ZAN: variants seen among roughly 807,000 people sequenced by gnomAD.
ZAN encodes zonadhesin (gene/pseudogene).
In ZAN, 260 loss-of-function variants were observed where a neutral mutation model predicts 286.2. The observed-to-expected ratio is 0.91, with a 90% CI of 0.82 to 1.01. The LOEUF (loss-of-function observed/expected upper bound fraction) is 1.01. Among genes scored for constraint, ZAN ranks in the 50% least tolerant of loss-of-function variants. The pLI, the probability that ZAN is intolerant of heterozygous loss-of-function variation, is 0.00. For synonymous variants in ZAN, 1,368 were observed against 1,417.5 expected, an observed-to-expected ratio of 0.97 and a Z score of 0.79; for missense variants, 3,410 against 3,639.2, an observed-to-expected ratio of 0.94 and a Z score of 1.62.
At position 100,752,309 on chromosome 7, in the gene ZAN, C is replaced by T; in HGVS notation, c.2204C>T (p.Pro735Leu). Residue 735 changes from proline (P) to leucine (L), a missense_variant, in exon 14 of 48, where the codon CCA becomes CTA. This residue lies in a region of ZAN where 39 missense variants were observed against 76.9 expected (regional missense o/e 0.51). Coordinates refer to ENST00000613979, the MANE Select transcript of ZAN (RefSeq NM_003386.3). ...TIPTEKSTIS[P>L]EKPTTPTEKP... ...CCCACAGAAAAATCCACCATCTCCC[C>T]AGAAAAACCCACCACCCCCACAGAA... is the stretch of plus-strand genomic sequence containing the variant. 1 of 1,534,244 alleles carries T rather than the reference C, an allele frequency of 6.5e-7. No individual in the cohort carries two copies. Among genetic ancestry groups the T allele is most frequent in the South Asian group, 1.2e-5 (1 of 83,016 alleles).
rs1441499101 is a variant in ZAN at position 100,760,401 on chromosome 7, A to G, written c.3707A>G (p.Gln1236Arg). The change falls in exon 19 of 48, where the codon CAG becomes CGG. Residue 1236 changes from glutamine (Q) to arginine (R), a missense_variant. Transcript: ENST00000613979. ...TGCCCTGCCTTCCAGGTTGGGGGTC[A>G]GCAAGTTACTCTCCCAGCCATACCC... ...LKGRRTLVGG[Q>R]QVTLPAIPSK... The G allele has an allele frequency of 6.2e-7, 1 of 1,613,806 alleles. No homozygotes were observed.
intron 23 of ZAN, among the ~76,000 whole-genome samples, chr7:100,765,988 G>C (rs944301935): frequency 7.1e-6 from 1 of 139,946 alleles, no homozygotes; most frequent in African/African-American, 2.7e-5. Context: ...GTTGTTTTTG[G>C]TTTTTGTTTT....
intron 20 of ZAN, among the ~76,000 whole-genome samples, chr7:100,762,899 T>C (rs1809693810): frequency 6.6e-6 from 1 of 151,634 alleles, no homozygotes; most frequent in Non-Finnish European, 1.5e-5. Flanking sequence ...CAGCTAACTT[T>C]AACAAAATTT....
At chr7:100,791,849 T>A in intron 40 of ZAN, 117 bp from the exon 41 acceptor site, 2 of 1,276,086 alleles carry the variant, frequency 1.6e-6, no homozygotes, top group Non-Finnish European at 2.1e-6. Flanking sequence ...TGCCTCAGCC[T>A]CCCGGGTAGC....
At chr7:100,755,719 A>G (rs1424071560) in intron 15 of ZAN, among the ~76,000 whole-genome samples, 1 of 151,960 alleles carries the variant, frequency 6.6e-6, no homozygotes, top group Non-Finnish European at 1.5e-5. Context: ...CTGCAGGCAC[A>G]TGCCACCATG....
In ZAN at chr7:100,775,484, A is replaced by T; in HGVS notation, c.5936A>T (p.Glu1979Val). ...AAGATCAGTGCCAAGCATGAGAAGG[A>T]GGAAGGTGGAACTGAGGCTTTCCGC... ...FFKISAKHEK[E>V]EGGTEAFRLH... is the part of the protein sequence containing the mutation. The change falls in exon 32 of 48, where the codon GAG becomes GTG. Residue 1979 changes from glutamate (E) to valine (V), a missense_variant. By Grantham distance (121) the Glu-to-Val change is moderately radical (BLOSUM62 -2). This residue lies in a region of ZAN where 1,289 missense variants were observed against 1,314.3 expected (regional missense o/e 0.98). Transcript: ENST00000613979. The T allele has an allele frequency of 6.2e-7, 1 of 1,613,966 alleles. No homozygotes were observed. Among genetic ancestry groups the T allele is most frequent in the Non-Finnish European group, 8.5e-7 (1 of 1,179,872 alleles).
chr7:100,765,773 C>T (rs1283184756), intron 23 of ZAN, among the ~76,000 whole-genome samples: 36 of 152,196 alleles, frequency 2.4e-4, no homozygotes, highest in South Asian at 2.1e-4. Flanking sequence ...CTCAGCCTCC[C>T]GAGTAGCTGG....
chr7:100,766,411 C>A, intron 23 of ZAN, 114 bp from the exon 24 acceptor site: 1 of 1,286,122 alleles, frequency 7.8e-7, no homozygotes, highest in Non-Finnish European at 1.0e-6. Context: ...GATGTCTCCC[C>A]ACTATTAAGC....
At chr7:100,774,873 C>G (rs1168099092) in intron 31 of ZAN, among the ~76,000 whole-genome samples, 4 of 151,786 alleles carry the variant, frequency 2.6e-5, no homozygotes, top group Non-Finnish European at 5.9e-5. Flanking sequence ...CATGCCCCTC[C>G]TCCACCCGTA....
In ZAN at chr7:100,791,982, G is replaced by A. The variant is rs774771582; in HGVS notation, c.7546G>A (p.Glu2516Lys). Residue 2516 changes from glutamate (E) to lysine (K), a missense_variant, in exon 41 of 48, where the codon GAG (glutamate) becomes AAG (lysine). Physicochemically the swap from Glu to Lys is moderately conservative, Grantham distance 56. Around this residue, in one of 7 missense-constraint regions of ZAN, gnomAD observed 1,289 missense variants for 1,314.3 expected, o/e 0.98. Coordinates refer to ENST00000613979, the MANE Select transcript of ZAN (RefSeq NM_003386.3). ...CTACTGCAGGGCTATACCAGCGGAG[G>A]AGGAGGGACAAGGGGCGGAGCTGGG... ...LRFPRAIPAE[E>K]EGQGAELGLR... 1.9e-5 allele frequency: 31 copies of A among 1,612,998 alleles called. No homozygotes were observed. The highest frequency in any genetic ancestry group is 2.5e-5 in the Non-Finnish European group (30 of 1,179,608).
At position 100,735,792 on chromosome 7, in the gene ZAN, T is replaced by A. The variant is rs1807255748; in HGVS notation, c.106+20T>A. ...ACAACTGTGAGTTGGAAACCAGGAGTGCTAAGATTTCTCCTCCCTCCTCCG... is the reference window on the plus strand; with the variant it reads ...ACAACTGTGAGTTGGAAACCAGGAGAGCTAAGATTTCTCCTCCCTCCTCCG... On this transcript the variant is annotated intron_variant, in intron 3 of 47. Transcript: ENST00000613979. 1 of 1,470,894 alleles carries A rather than the reference T, an allele frequency of 6.8e-7. No homozygotes were observed. 91.1% of individuals were successfully genotyped at this position (1,470,894 alleles called of 1,614,324 possible).
rs560129889 is a variant in ZAN at position 100,784,701 on chromosome 7, G to A, written c.6701G>A (p.Arg2234Gln). The A allele has an allele frequency of 6.8e-6, 11 of 1,613,900 alleles. No homozygotes were observed. Among genetic ancestry groups the A allele is most frequent in the East Asian group, 6.7e-5 (3 of 44,870 alleles). The change falls in exon 36 of 48, where the codon CGG becomes CAG. Residue 2234 changes from arginine (R) to glutamine (Q), a missense_variant. Arg to Gln is a conservative substitution (Grantham distance 43). Coordinates refer to ENST00000613979, the MANE Select transcript of ZAN (RefSeq NM_003386.3). ...CSPSCWDLDG[R>Q]CEGAKVPSAC... is the part of the protein sequence containing the mutation. ...CCCTCCTGCTGGGACCTGGATGGCC[G>A]GTGTGAGGGCGCCAAAGTCCCCTCT...
rs555223894 is a variant in ZAN, at chr7:100,759,795, G to C, written c.3646G>C (p.Val1216Leu). 1 of 1,609,020 alleles carries C rather than the reference G, an allele frequency of 6.2e-7. No homozygotes were observed. Among genetic ancestry groups the C allele is most frequent in the African/African-American group, 1.3e-5 (1 of 74,704 alleles). ...CGTGTCCTGCCTGAGCAAAGTCTAC[G>C]TGACCCTGCCCGAGAGCACCGTCAC... ...EGVSCLSKVY[V>L]TLPESTVTLL... Residue 1216 changes from valine (V) to leucine (L), a missense_variant, in exon 18 of 48, where the codon GTG (valine) becomes CTG (leucine). Around this residue, in one of 7 missense-constraint regions of ZAN, gnomAD observed 1,042 missense variants for 1,058.0 expected, o/e 0.98. Transcript: ENST00000613979.
At chr7:100,773,263 C>T (rs917090827) in intron 29 of ZAN, 22 bp from the exon 30 acceptor site, 2 of 1,609,888 alleles carry the variant, frequency 1.2e-6, no homozygotes, top group Non-Finnish European at 8.5e-7. Flanking sequence ...CCCACTCTTC[C>T]TAATGCTCTC....
At chr7:100,788,737 C>T (rs890261665) in intron 38 of ZAN, among the ~76,000 whole-genome samples, 5 of 152,062 alleles carry the variant, frequency 3.3e-5, no homozygotes, top group African/African-American at 7.2e-5. Flanking sequence ...TTCACTCTGT[C>T]GCCCAGGCTG....
intron 33 of ZAN, 65 bp downstream of exon 33, chr7:100,775,898 G>A (rs1033403537): frequency 1.3e-6 from 2 of 1,582,508 alleles, no homozygotes; most frequent in Admixed American, 3.5e-5. Flanking sequence ...GGCCGGCAGG[G>A]ATGGGGGGCA....
Position 100,755,219 on chromosome 7 carries a change from C to T in ZAN, c.3125-7C>T. On this transcript the variant is annotated splice_polypyrimidine_tract_variant and splice_region_variant and intron_variant, in intron 14 of 47. Transcript: ENST00000613979. ...TGAAAGCATGACAGAGGCTGTTTTC[C>T]CCTTAGAGCGCTGCCCTCCAAATGC... is the stretch of plus-strand genomic sequence containing the variant. The T allele has an allele frequency of 6.2e-7, 1 of 1,605,384 alleles. No individual in the cohort carries two copies. Among genetic ancestry groups the T allele is most frequent in the Non-Finnish European group, 8.5e-7 (1 of 1,174,932 alleles).
In ZAN at chr7:100,768,471, C is replaced by CA; in HGVS notation, c.5042-133dup. On this transcript the variant is annotated intron_variant, in intron 26 of 47. Coordinates refer to ENST00000613979, the MANE Select transcript of ZAN (RefSeq NM_003386.3). ...TGGGTGTCAGAGCAAGACTCCATCT[C>CA]AAAAAAGAAGAAAAAGAGACAGAAA... 5.3e-6 allele frequency: 4 copies of CA among 756,196 alleles called. No individual in the cohort carries two copies. In the South Asian group the frequency reaches 6.4e-5, roughly 12 times the overall value. 46.8% of individuals were successfully genotyped at this position (756,196 alleles called of 1,614,324 possible). A position where few individuals can be genotyped will look rare whatever the true frequency, so the allele number is the denominator to read the frequency against.
chr7:100,754,949 G>A (rs1429181856), intron 14 of ZAN, among the ~76,000 whole-genome samples: 2 of 151,936 alleles, frequency 1.3e-5, no homozygotes, highest in East Asian at 3.9e-4. Flanking sequence ...GCCTAAAATT[G>A]TTTTATTTTT....
Sources: gnomAD v4.1 joint callset for allele counts (sites outside exome capture counted in the v4.1 genomes callset) on GRCh38, gnomAD v4.1.1 for gene constraint, gnomAD v4.1.1 regional missense constraint, MANE v1.5 for transcripts, NCBI Gene and HGNC (gene_info 2026-07-23, HGNC 2026-07-21) for gene names.